Variants in SUN3 observed in about 807,000 individuals in gnomAD.
SUN3 encodes SUN domain-containing protein 3.
A neutral mutation model predicts 48.2 loss-of-function variants in SUN3; 36 were observed. The observed-to-expected ratio is 0.75, with a 90% CI of 0.57 to 0.99. The LOEUF (loss-of-function observed/expected upper bound fraction) is 0.99. Ranked by LOEUF, SUN3 falls within the 50% of genes least tolerant of loss-of-function variation. The pLI is 0.00. For missense variants in SUN3, 419 were observed against 433.1 expected (o/e 0.97, Z 0.29); for synonymous variants, 148 against 147.9 (o/e 1.00, Z 0.00).
the SUN3 span, chr7:48,035,371 A>G: frequency 1.6e-6 from 1 of 609,006 alleles, no homozygotes; most frequent in East Asian, 2.9e-5. This position sits in a 1 kb window ranked among gnomAD's most constrained non-coding sequence, Gnocchi z 4.0. Context: ...GCTCTGGGCT[A>G]CGGGCAGTTG....
intron 3 of SUN3, among the ~76,000 whole-genome samples, chr7:48,011,085 G>A (rs191573364): frequency 5.3e-5 from 8 of 152,240 alleles, no homozygotes; most frequent in East Asian, 1.9e-4. Flanking sequence ...AATCTAGGAC[G>A]ATTTGATCTC....
intron 9 of SUN3, among the ~76,000 whole-genome samples, chr7:47,987,758 T>C (rs2128768363): frequency 6.6e-6 from 1 of 152,312 alleles, no homozygotes; most frequent in East Asian, 1.9e-4. Context: ...GGTCTTGAAC[T>C]CCAGGGCTCA....
At chr7:48,007,508 AC>A (rs201258103) in intron 4 of SUN3, among the ~76,000 whole-genome samples, 181 bp from the exon 5 acceptor site, 1,884 of 152,152 alleles carry the variant, frequency 0.012, 25 homozygotes, top group African/African-American at 0.042. Flanking sequence ...TAAAAAAAAA[AC>A]AAGGACATCC....
At chr7:48,006,258 G>A (rs1789522669) in intron 5 of SUN3, among the ~76,000 whole-genome samples, 1 of 152,094 alleles carries the variant, frequency 6.6e-6, no homozygotes, top group Non-Finnish European at 1.5e-5. Flanking sequence ...GGAATACGGT[G>A]TAAATAAAGC....
At chr7:48,009,160 A>G in intron 3 of SUN3, 85 bp from the exon 4 acceptor site, 1 of 1,355,422 alleles carries the variant, frequency 7.4e-7, no homozygotes, top group Non-Finnish European at 1.0e-6. Context: ...AGGGAAATAA[A>G]TAGCACATTG....
At chr7:48,007,071 T>C in intron 5 of SUN3, 94 bp downstream of exon 5, 1 of 1,259,344 alleles carries the variant, frequency 7.9e-7, no homozygotes, top group Non-Finnish European at 1.1e-6. Context: ...GAAGCAGATG[T>C]GACATCGGAA....
intron 4 of SUN3, among the ~76,000 whole-genome samples, chr7:48,008,610 G>C (rs1190075140): frequency 6.6e-6 from 1 of 152,114 alleles, no homozygotes; most frequent in East Asian, 1.9e-4. Flanking sequence ...ATATGTAAAA[G>C]GACAAGTAAT....
intron 1 of SUN3, among the ~76,000 whole-genome samples, chr7:48,027,151 A>G (rs2128785088): frequency 6.6e-6 from 1 of 152,284 alleles, no homozygotes; most frequent in Middle Eastern, 3.4e-3. Context: ...GTGAGAGTCA[A>G]CTGTGCTGTT....
chr7:48,027,196 T>C (rs1790159474), intron 1 of SUN3, among the ~76,000 whole-genome samples: 1 of 152,208 alleles, frequency 6.6e-6, no homozygotes, highest in African/African-American at 2.4e-5. Flanking sequence ...CTTATAACTG[T>C]GTAGTATTTC....
chr7:47,987,234 TC>T lies in SUN3; in HGVS notation c.*95del. 7.4e-7 allele frequency: 1 copy of T among 1,347,468 alleles called. No homozygotes were observed. Among genetic ancestry groups the T allele is most frequent in the Non-Finnish European group, 9.9e-7 (1 of 1,013,866 alleles). The allele number at this position is 1,347,468 out of a possible 1,614,324, so 83.5% of individuals were successfully genotyped here. ...AACCACTTTGAGGTTTTCTTCCCAC[TC>T]CCAATTCTCAATTCCTATGGGTGCG... On this transcript the variant is annotated 3_prime_UTR_variant, in exon 10 of 10. Coordinates refer to ENST00000297325, the MANE Select transcript of SUN3 (RefSeq NM_001030019.2).
At chr7:48,021,016 T>A (rs1240226039) in intron 2 of SUN3, among the ~76,000 whole-genome samples, 1 of 152,136 alleles carries the variant, frequency 6.6e-6, no homozygotes, top group East Asian at 1.9e-4. Context: ...TCACATTACC[T>A]GACTTCAAAT....
intron 8 of SUN3, chr7:47,990,991 G>T: frequency 2.2e-6 from 1 of 455,124 alleles, no homozygotes; most frequent in South Asian, 1.6e-5. Flanking sequence ...AGAAATACCT[G>T]TTGGGTATTA....
At chr7:48,000,939 A>G (rs1789348460) in intron 6 of SUN3, among the ~76,000 whole-genome samples, 2 of 149,628 alleles carry the variant, frequency 1.3e-5, no homozygotes, top group African/African-American at 4.9e-5. Context: ...TCTCTTCTTC[A>G]TCTCCCTCTG....
chr7:48,023,275 T>C (rs1351095615), intron 2 of SUN3, among the ~76,000 whole-genome samples: 3 of 151,944 alleles, frequency 2.0e-5, no homozygotes, highest in Non-Finnish European at 2.9e-5. Flanking sequence ...ATACAGATCA[T>C]AAGGAGGAAA....
rs1788968925 is a variant in SUN3 at position 47,988,770 on chromosome 7, T to G, written c.954+18A>C. 6.6e-7 allele frequency: 1 copy of G among 1,522,754 alleles called. No homozygotes were observed. Among genetic ancestry groups the G allele is most frequent in the Non-Finnish European group, 9.0e-7 (1 of 1,106,022 alleles). The allele number at this position is 1,522,754 out of a possible 1,614,324, so 94.3% of individuals were successfully genotyped here. ...CAGTGATAGAGCTACTCATATCATT[T>G]CCCAGAGCATACATTACCTGGAGTT... On this transcript the variant is annotated intron_variant, in intron 9 of 9. Coordinates refer to ENST00000297325, the MANE Select transcript of SUN3 (RefSeq NM_001030019.2).
At chr7:47,993,309 C>T (rs1789117643) in intron 8 of SUN3, among the ~76,000 whole-genome samples, 1 of 152,066 alleles carries the variant, frequency 6.6e-6, no homozygotes, top group Admixed American at 6.6e-5. Flanking sequence ...CTTAGGTATA[C>T]ACCCAAGGAA....
At chr7:48,030,609 C>T (rs1253149419), upstream of SUN3, among the ~76,000 whole-genome samples, 1 of 152,186 alleles carries the variant, frequency 6.6e-6, no homozygotes, top group Non-Finnish European at 1.5e-5. Flanking sequence ...GATAATCTTC[C>T]TCATTTATTT....
Position 48,017,271 on chromosome 7 carries a change from A to G in SUN3, c.279T>C (p.Tyr93=). 6.4e-7 allele frequency: 1 copy of G among 1,569,340 alleles called. No individual in the cohort carries two copies. Among genetic ancestry groups the G allele is most frequent in the Non-Finnish European group, 8.7e-7 (1 of 1,148,402 alleles). The change falls in exon 3 of 10, where the codon TAT becomes TAC. Residue 93 remains tyrosine (Y), a synonymous_variant. Coordinates refer to ENST00000297325, the MANE Select transcript of SUN3 (RefSeq NM_001030019.2). ...CTTAACAAAATATCACCTGATATTT[A>G]TAAAGCCTTGAACCATATTCTGCAA... The part of the protein sequence containing the change: ...AIIAEYGSRL[Y]KYQARLRMPK...
intron 8 of SUN3, among the ~76,000 whole-genome samples, chr7:47,991,352 T>C (rs972728844): frequency 2.6e-5 from 4 of 152,216 alleles, no homozygotes; most frequent in African/African-American, 9.6e-5. Context: ...ATGAACGTGT[T>C]CACCTTTCTG....
Sources: gnomAD v4.1 joint callset for allele counts (sites outside exome capture counted in the v4.1 genomes callset) on GRCh38, gnomAD v4.1.1 for gene constraint, Gnocchi (gnomAD v3.1) non-coding constraint, MANE v1.5 for transcripts, NCBI Gene and HGNC (gene_info 2026-07-23, HGNC 2026-07-21) for gene names.